SIRT2: variants seen among roughly 807,000 people sequenced by gnomAD.
The protein encoded by SIRT2 is NAD-dependent protein deacetylase sirtuin-2.
Under a neutral mutation model 57.4 loss-of-function variants are expected in SIRT2, and 40 were observed. The observed-to-expected ratio is 0.70, with a 90% CI of 0.54 to 0.91. The LOEUF (loss-of-function observed/expected upper bound fraction) is 0.91, where lower values mean the gene tolerates loss of function less well. Among genes scored for constraint, SIRT2 ranks in the 40% least tolerant of loss-of-function variants. SIRT2 has a pLI of 0.00. For synonymous variants in SIRT2, 161 were observed against 195.7 expected, an observed-to-expected ratio of 0.82 and a Z score of 1.48; for missense variants, 439 against 510.4, an observed-to-expected ratio of 0.86 and a Z score of 1.35.
rs370035146 is a variant in SIRT2, at chr19:38,882,246, C to T, written c.632-755G>A. Among the ~76,000 whole-genome samples, 3 of 152,204 alleles carry T rather than the reference C, an allele frequency of 2.0e-5. No individual in the cohort carries two copies. In the East Asian group the frequency reaches 5.8e-4, roughly 30 times the overall value. ...CCCAGGCTGTTCTCAAACTCCTGGG[C>T]TCAAGTGATCCACCCACCTCGACGT... is the stretch of plus-strand genomic sequence containing the variant. On this transcript the variant is annotated intron_variant, in intron 9 of 15. Transcript: ENST00000249396.
intron 9 of SIRT2, among the ~76,000 whole-genome samples, chr19:38,883,362 T>G (rs1021335072): frequency 4.6e-5 from 7 of 152,034 alleles, no homozygotes; most frequent in Non-Finnish European, 5.9e-5. Context: ...GTGCTAGGAT[T>G]ACAGGTGTGA....
In SIRT2 at chr19:38,880,214, G is replaced by A. The variant is rs1245445668; in HGVS notation, c.876+471C>T. The A allele has an allele frequency of 5.5e-6, 1 of 182,192 alleles. No homozygotes were observed. The highest frequency in any genetic ancestry group is 2.4e-5 in the African/African-American group (1 of 42,308). The allele number at this position is 182,192 out of a possible 1,614,324, so 11.3% of individuals were successfully genotyped here. On this transcript the variant is annotated intron_variant, in intron 13 of 15. Coordinates refer to ENST00000249396, the MANE Select transcript of SIRT2 (RefSeq NM_012237.4). This position sits in a 1 kb window ranked among gnomAD's most constrained non-coding sequence, Gnocchi z 4.1. Reference sequence around the variant, plus strand: ...GATCACAAAACCGCGATGGGGTTGTGGCGCCAGTGAGTTCACGCAGGCTAA... The same window carrying A: ...GATCACAAAACCGCGATGGGGTTGTAGCGCCAGTGAGTTCACGCAGGCTAA...
In SIRT2 at chr19:38,889,600, A is replaced by C. The variant is rs1973457325; in HGVS notation, c.432+89T>G. The C allele has an allele frequency of 2.1e-6, 3 of 1,458,006 alleles. No individual in the cohort carries two copies. The South Asian group carries it at 3.5e-5, about 17-fold the overall frequency. The allele number at this position is 1,458,006 out of a possible 1,614,324, so 90.3% of individuals were successfully genotyped here. A position where few individuals can be genotyped will look rare whatever the true frequency, so the allele number is the denominator to read the frequency against. On this transcript the variant is annotated intron_variant, in intron 7 of 15. Coordinates refer to ENST00000249396, the MANE Select transcript of SIRT2 (RefSeq NM_012237.4). ...CACCCATGTACTTAATGGCTACATA[A>C]TATTTGTCTGCAGGGCCTTGGCGGG...
At chr19:38,891,984 A>G in intron 4 of SIRT2, 1 of 463,482 alleles carries the variant, frequency 2.2e-6, no homozygotes, top group South Asian at 1.6e-5. Context: ...ACAGGGACAC[A>G]GGAGAAGATG....
At chr19:38,889,509 G>C (rs1204476439) in intron 7 of SIRT2, 180 bp downstream of exon 7, 2 of 696,022 alleles carry the variant, frequency 2.9e-6, no homozygotes, top group Non-Finnish European at 5.0e-6. Flanking sequence ...AGGCAAATCG[G>C]AGGCTCAAGG....
intron 8 of SIRT2, among the ~76,000 whole-genome samples, chr19:38,885,330 C>G (rs986180158): frequency 6.6e-6 from 1 of 152,054 alleles, no homozygotes; most frequent in African/African-American, 2.4e-5. Flanking sequence ...GTCTTGAACT[C>G]CTGGGCTCAA....
Position 38,879,017 on chromosome 19 carries a change from T to G in SIRT2, c.*138A>C. On this transcript the variant is annotated 3_prime_UTR_variant, in exon 16 of 16. Transcript: ENST00000249396. ...GGGGCCAGGGTTGCTGGGACCCCAG[T>G]TTTGGGGAGGGAGCTGTAAGAGATT... 1 of 924,392 alleles carries G rather than the reference T, an allele frequency of 1.1e-6. No homozygotes were observed. Among genetic ancestry groups the G allele is most frequent in the Non-Finnish European group, 1.6e-6 (1 of 638,332 alleles). The allele number at this position is 924,392 out of a possible 1,614,324, so 57.3% of individuals were successfully genotyped here. A position where few individuals can be genotyped will look rare whatever the true frequency, so the allele number is the denominator to read the frequency against.
intron 2 of SIRT2, among the ~76,000 whole-genome samples, chr19:38,896,965 G>T (rs1973736331): frequency 6.6e-6 from 1 of 152,166 alleles, no homozygotes; most frequent in Admixed American, 6.5e-5. Flanking sequence ...GCTGACGGGG[G>T]CCTTCAAGCT....
At chr19:38,897,410 T>G (rs1294282430) in intron 2 of SIRT2, among the ~76,000 whole-genome samples, 1 of 152,198 alleles carries the variant, frequency 6.6e-6, no homozygotes, top group Non-Finnish European at 1.5e-5. Flanking sequence ...TGTATCTTGG[T>G]CTGACAGCTA....
At chr19:38,891,073 CA>C (rs1452396237) in intron 4 of SIRT2, among the ~76,000 whole-genome samples, 1 of 152,266 alleles carries the variant, frequency 6.6e-6, no homozygotes, top group Non-Finnish European at 1.5e-5. Flanking sequence ...CTGGCTCTGC[CA>C]CTTGGCAACT....
At chr19:38,899,408 C>T in intron 1 of SIRT2, 98 bp downstream of exon 1, 1 of 1,405,696 alleles carries the variant, frequency 7.1e-7, no homozygotes, top group Non-Finnish European at 9.9e-7. Context: ...GCGCTCCCTA[C>T]TTCCCGCCCC....
intron 2 of SIRT2, among the ~76,000 whole-genome samples, chr19:38,896,059 A>T (rs561274740): frequency 6.6e-6 from 1 of 152,180 alleles, no homozygotes; most frequent in Non-Finnish European, 1.5e-5. Flanking sequence ...TGACAGAGCG[A>T]GACTCCGTCT....
At chr19:38,897,601 C>T (rs979963035) in intron 2 of SIRT2, among the ~76,000 whole-genome samples, 2 of 152,020 alleles carry the variant, frequency 1.3e-5, no homozygotes, top group African/African-American at 4.8e-5. Flanking sequence ...AGGCACACTA[C>T]GGCCTTAACC....
At chr19:38,888,109 T>C (rs1449338313) in intron 8 of SIRT2, among the ~76,000 whole-genome samples, 1 of 152,172 alleles carries the variant, frequency 6.6e-6, no homozygotes, top group African/African-American at 2.4e-5. Flanking sequence ...ATTAATACTG[T>C]TGTAGTGCAT....
chr19:38,885,644 G>A (rs530310535), intron 8 of SIRT2, among the ~76,000 whole-genome samples: 4 of 147,538 alleles, frequency 2.7e-5, no homozygotes, highest in South Asian at 2.1e-4. Context: ...AGGCTGGAGT[G>A]CAGTGGCGCA....
Position 38,878,884 on chromosome 19 carries a change from A to G in SIRT2, c.*271T>C. On this transcript the variant is annotated 3_prime_UTR_variant, in exon 16 of 16. Coordinates refer to ENST00000249396, the MANE Select transcript of SIRT2 (RefSeq NM_012237.4). ...CCTGGCCCCGTGGGGGCAGTTAGAG[A>G]TGAGGGAGGTTACTCCTTAGCCCAG... 1 of 385,578 alleles carries G rather than the reference A, an allele frequency of 2.6e-6. No individual in the cohort carries two copies. The highest frequency in any genetic ancestry group is 4.3e-5 in the East Asian group (1 of 23,270). The allele number at this position is 385,578 out of a possible 1,614,324, so 23.9% of individuals were successfully genotyped here. A position where few individuals can be genotyped will look rare whatever the true frequency, so the allele number is the denominator to read the frequency against.
Position 38,892,760 on chromosome 19 carries a change from T to TG in SIRT2, c.226+653dup, listed in dbSNP as rs1401701904. Among the ~76,000 whole-genome samples the TG allele has an allele frequency of 1.5e-3, 228 of 151,080 alleles. 1 individual carries two copies. The highest frequency in any genetic ancestry group is 5.2e-3 in the African/African-American group (210 of 40,668). On this transcript the variant is annotated intron_variant, in intron 4 of 15. Transcript: ENST00000249396. ...ACTATTTTTTTTTTTCTTGTAGAGATGGCGGGGGGGTCTCACTATGTTGCC... is the reference window on the plus strand; with the variant it reads ...ACTATTTTTTTTTTTCTTGTAGAGATGGGCGGGGGGGTCTCACTATGTTGCC...
At chr19:38,887,328 C>T (rs530422867) in intron 8 of SIRT2, among the ~76,000 whole-genome samples, 2 of 152,212 alleles carry the variant, frequency 1.3e-5, no homozygotes, top group East Asian at 1.9e-4. Context: ...CAAGGGCCAG[C>T]GGGGTCTTGG....
At chr19:38,894,519 G>C (rs1973653817) in intron 2 of SIRT2, 1 of 276,390 alleles carries the variant, frequency 3.6e-6, no homozygotes, top group Non-Finnish European at 7.1e-6. Context: ...GGCTGTTGCT[G>C]TTATTATCAC....
Sources: gnomAD v4.1 joint callset for allele counts (sites outside exome capture counted in the v4.1 genomes callset) on GRCh38, gnomAD v4.1.1 for gene constraint, Gnocchi (gnomAD v3.1) non-coding constraint, MANE v1.5 for transcripts, NCBI Gene and HGNC (gene_info 2026-07-23, HGNC 2026-07-21) for gene names.